Variants in GDF11 observed in about 807,000 individuals in gnomAD.
GDF11 encodes growth/differentiation factor 11.
In GDF11, 12 loss-of-function variants were observed where a neutral mutation model predicts 34.4. The observed-to-expected ratio is 0.35, with a 90% CI of 0.22 to 0.57. The LOEUF is 0.57. Ranked by LOEUF, GDF11 falls within the 20% of genes least tolerant of loss-of-function variation. GDF11 has a pLI of 0.86. For synonymous variants in GDF11, 212 were observed against 231.1 expected, an observed-to-expected ratio of 0.92 and a Z score of 0.75; for missense variants, 346 against 548.2, an observed-to-expected ratio of 0.63 and a Z score of 3.68.
Position 55,750,018 on chromosome 12 carries a change from T to C in GDF11, c.*136T>C. ...CGTTCCCCGACCAAGCCGTGTGCAA[T>C]ACAACAGAGGGAGGCAGGTGGGAAT... On this transcript the variant is annotated 3_prime_UTR_variant, in exon 3 of 3. Coordinates refer to ENST00000257868, the MANE Select transcript of GDF11 (RefSeq NM_005811.5). The C allele has an allele frequency of 1.3e-6, 1 of 764,306 alleles. No individual in the cohort carries two copies. Among genetic ancestry groups the C allele is most frequent in the Non-Finnish European group, 2.1e-6 (1 of 477,634 alleles). The allele number at this position is 764,306 out of a possible 1,614,324, so 47.3% of individuals were successfully genotyped here.
In GDF11 at chr12:55,749,619, G is replaced by A; in HGVS notation, c.961G>A (p.Asp321Asn). 2.5e-6 allele frequency: 4 copies of A among 1,614,134 alleles called. No homozygotes were observed. Among genetic ancestry groups the A allele is most frequent in the Non-Finnish European group, 3.4e-6 (4 of 1,180,022 alleles). Reference sequence around the variant, plus strand: ...CTGCTGCCGATATCCCCTCACAGTGGACTTTGAGGCTTTCGGCTGGGACTG... The same window carrying A: ...CTGCTGCCGATATCCCCTCACAGTGAACTTTGAGGCTTTCGGCTGGGACTG... ...SRCCRYPLTV[D>N]FEAFGWDWII... The change falls in exon 3 of 3, where the codon GAC becomes AAC. Residue 321 changes from aspartate to asparagine, a missense_variant. By Grantham distance (23) the Asp-to-Asn change is conservative (BLOSUM62 1). This residue lies in a region of GDF11 where 205 missense variants were observed against 311.3 expected (regional missense o/e 0.66). Transcript: ENST00000257868. This position sits in a 1 kb window ranked among gnomAD's most constrained non-coding sequence, Gnocchi z 5.6.
Position 55,751,585 on chromosome 12 carries a change from G to A in GDF11, c.*1703G>A, listed in dbSNP as rs751648647. On this transcript the variant is annotated 3_prime_UTR_variant, in exon 3 of 3. Transcript: ENST00000257868. ...CAGAGTAGTGGTGAAGAGATGTGAG[G>A]CTTAAGAGGAGTCACAGGCTTCAGA... The A allele has an allele frequency of 6.6e-6, 1 of 152,178 alleles. No homozygotes were observed. Among genetic ancestry groups the A allele is most frequent in the East Asian group, 1.9e-4 (1 of 5,196 alleles). The allele number at this position is 152,178 out of a possible 1,614,324, so 9.4% of individuals were successfully genotyped here. A position where few individuals can be genotyped will look rare whatever the true frequency, so the allele number is the denominator to read the frequency against.
rs1878245498 is a variant in GDF11 at position 55,749,002 on chromosome 12, G to A, written c.843+19G>A. The A allele has an allele frequency of 1.3e-6, 2 of 1,583,762 alleles. No homozygotes were observed. Among genetic ancestry groups the A allele is most frequent in the Non-Finnish European group, 8.5e-7 (1 of 1,172,088 alleles). On this transcript the variant is annotated intron_variant, in intron 2 of 2. Coordinates refer to ENST00000257868, the MANE Select transcript of GDF11 (RefSeq NM_005811.5). This position sits in a 1 kb window ranked among gnomAD's most constrained non-coding sequence, Gnocchi z 5.6. ...GGGGCTGGTGAGCAGGGGGCCTGAG[G>A]TGGTGGATATGTGTAACCTGGCCCT...
rs143407394 is a variant in GDF11 at position 55,744,589 on chromosome 12, G to C, written c.445+828G>C. Among the ~76,000 whole-genome samples the C allele has an allele frequency of 5.3e-5, 8 of 152,176 alleles. No individual in the cohort carries two copies. In the East Asian group the frequency reaches 1.6e-3, roughly 30 times the overall value. The stretch of plus-strand genomic sequence containing the variant: ...CCAAACGGAAGATGAACATATAATA[G>C]ACATGAGCTGCTTTGAAATTTTATG... On this transcript the variant is annotated intron_variant, in intron 1 of 2. Transcript: ENST00000257868.
rs759951553 is a variant in GDF11, at chr12:55,743,400, CGCGGCGGCGGCGGCG to C, written c.102_116del (p.Ala37_Ala41del). 10 of 992,766 alleles carry C rather than the reference CGCGGCGGCGGCGGCG, an allele frequency of 1.0e-5. No homozygotes were observed. In the South Asian group the frequency reaches 3.2e-4, roughly 31 times the overall value. 61.5% of individuals were successfully genotyped at this position (992,766 alleles called of 1,614,324 possible). ...CCCGGGGGGAGGCGGCCGAGGGCCC[CGCGGCGGCGGCGGCG>C]GCGGCGGCGGCGGCGGCAGCGGCGG... On this transcript the variant is annotated inframe_deletion, in exon 1 of 3. Transcript: ENST00000257868.
rs1219280896 is a variant in GDF11, at chr12:55,751,964, ATCTTAT to A, written c.*2085_*2090del. 6.6e-6 allele frequency: 1 copy of A among 152,222 alleles called. No individual in the cohort carries two copies. Among genetic ancestry groups the A allele is most frequent in the Non-Finnish European group, 1.5e-5 (1 of 68,056 alleles). The allele number at this position is 152,222 out of a possible 1,614,324, so 9.4% of individuals were successfully genotyped here. On this transcript the variant is annotated 3_prime_UTR_variant, in exon 3 of 3. Transcript: ENST00000257868. ...GAAGGTGATGTTGGTGAGCTTTAAC[ATCTTAT>A]TCCTATTCTTATAGTGAGAAAGTGA... is the stretch of plus-strand genomic sequence containing the variant.
intron 1 of GDF11, among the ~76,000 whole-genome samples, chr12:55,746,187 C>T (rs1227159247): frequency 6.6e-6 from 1 of 152,128 alleles, no homozygotes; most frequent in East Asian, 1.9e-4. Context: ...GGTACTCTCT[C>T]GAGCCCCGTT....
Position 55,751,645 on chromosome 12 carries a change from G to C in GDF11, c.*1763G>C, listed in dbSNP as rs531600671. On this transcript the variant is annotated 3_prime_UTR_variant, in exon 3 of 3. Coordinates refer to ENST00000257868, the MANE Select transcript of GDF11 (RefSeq NM_005811.5). ...CCCCTCTGCCTCCCAGCTGGACAGT[G>C]CCTAGAAGCCAAGGAGTTGAGAATC... 41 of 152,334 alleles carry C rather than the reference G, an allele frequency of 2.7e-4. No homozygotes were observed. Among genetic ancestry groups the C allele is most frequent in the African/African-American group, 9.9e-4 (41 of 41,538 alleles). The allele number at this position is 152,334 out of a possible 1,614,324, so 9.4% of individuals were successfully genotyped here.
Position 55,755,527 on chromosome 12 carries a change from A to G in GDF11, c.*5645A>G, listed in dbSNP as rs564175254. 6.6e-6 allele frequency: 1 copy of G among 152,334 alleles called. No homozygotes were observed. The highest frequency in any genetic ancestry group is 2.1e-4 in the South Asian group (1 of 4,824). The allele number at this position is 152,334 out of a possible 1,614,324, so 9.4% of individuals were successfully genotyped here. The stretch of plus-strand genomic sequence containing the variant: ...ACCACATCTGGATGCTGGATCAACT[A>G]TAGTAGGGAAACGGGGAGAGGAAGG... On this transcript the variant is annotated 3_prime_UTR_variant, in exon 3 of 3. Coordinates refer to ENST00000257868, the MANE Select transcript of GDF11 (RefSeq NM_005811.5).
In GDF11 at chr12:55,749,573, C is replaced by G; in HGVS notation, c.915C>G (p.Asp305Glu). The change falls in exon 3 of 3, where the codon GAC becomes GAG. Residue 305 changes from aspartate (D) to glutamate (E), a missense_variant. Transcript: ENST00000257868. The surrounding 1 kb of genome is among the most constrained non-coding windows in gnomAD (Gnocchi z 5.6). ...RSRRNLGLDC[D>E]EHSSESRCCR... ...GGCGGAACCTGGGTCTGGACTGCGA[C>G]GAGCACTCAAGCGAGTCCCGCTGCT... The G allele has an allele frequency of 6.2e-7, 1 of 1,614,052 alleles. No homozygotes were observed. Among genetic ancestry groups the G allele is most frequent in the Non-Finnish European group, 8.5e-7 (1 of 1,179,980 alleles).
At position 55,756,721 on chromosome 12, in the gene GDF11, A is replaced by AAG. The variant is rs1213752360; in HGVS notation, c.*6840_*6841insGA. 6 of 152,358 alleles carry AAG rather than the reference A, an allele frequency of 3.9e-5. No individual in the cohort carries two copies. The highest frequency in any genetic ancestry group is 1.2e-4 in the African/African-American group (5 of 41,582). The allele number at this position is 152,358 out of a possible 1,614,324, so 9.4% of individuals were successfully genotyped here. A position where few individuals can be genotyped will look rare whatever the true frequency, so the allele number is the denominator to read the frequency against. ...TTATGTTCCCAATGATTTAGCTAAC[A>AAG]ATGCGTAACAGCTCTGACATCCTCT... On this transcript the variant is annotated 3_prime_UTR_variant, in exon 3 of 3. Coordinates refer to ENST00000257868, the MANE Select transcript of GDF11 (RefSeq NM_005811.5).
At position 55,745,815 on chromosome 12, in the gene GDF11, T is replaced by TCA. The variant is rs147208412; in HGVS notation, c.445+2055_445+2056dup. ...GCCTGCCCTAGTTCCCTCTACCCTC[T>TCA]CAGGCTCTCCCACCAAGCCTTCATC... On this transcript the variant is annotated intron_variant, in intron 1 of 2. Coordinates refer to ENST00000257868, the MANE Select transcript of GDF11 (RefSeq NM_005811.5). Among the ~76,000 whole-genome samples the TCA allele has an allele frequency of 3.3e-3, 471 of 144,148 alleles. 2 individuals are homozygous for TCA. The highest frequency in any genetic ancestry group is 0.011 in the African/African-American group (434 of 38,884). 94.6% of individuals were successfully genotyped at this position (144,148 alleles called of 152,430 possible). A position where few individuals can be genotyped will look rare whatever the true frequency, so the allele number is the denominator to read the frequency against.
chr12:55,748,736 G>A lies in GDF11; in HGVS notation c.596G>A (p.Arg199Gln), dbSNP rs1369414687. The change falls in exon 2 of 3, where the codon CGA becomes CAA. Residue 199 changes from arginine to glutamine, a missense_variant. Physicochemically the swap from Arg to Gln is conservative, Grantham distance 43. This residue lies in a region of GDF11 where 205 missense variants were observed against 311.3 expected (regional missense o/e 0.66). Transcript: ENST00000257868. This position sits in a 1 kb window ranked among gnomAD's most constrained non-coding sequence, Gnocchi z 5.6. ...GCCACAGTCTACCTGCAGATCTTGC[G>A]ACTAAAACCCCTAACTGGGGAAGGG... is the stretch of plus-strand genomic sequence containing the variant. The part of the protein sequence containing the change: ...RPATVYLQIL[R>Q]LKPLTGEGTA... 3.7e-6 allele frequency: 6 copies of A among 1,614,118 alleles called. No homozygotes were observed. Among genetic ancestry groups the A allele is most frequent in the Admixed American group, 1.7e-5 (1 of 60,006 alleles).
Position 55,750,960 on chromosome 12 carries a change from TAG to T in GDF11, c.*1085_*1086del, listed in dbSNP as rs1878300045. 6.6e-6 allele frequency: 1 copy of T among 151,962 alleles called. No individual in the cohort carries two copies. The highest frequency in any genetic ancestry group is 2.4e-5 in the African/African-American group (1 of 41,356). The allele number at this position is 151,962 out of a possible 1,614,324, so 9.4% of individuals were successfully genotyped here. On this transcript the variant is annotated 3_prime_UTR_variant, in exon 3 of 3. Coordinates refer to ENST00000257868, the MANE Select transcript of GDF11 (RefSeq NM_005811.5). ...TCCCAGCCTCTATCTTCAGGTCAAT[TAG>T]AGAGAGTATAGAGACCCCAGAGTCC...
Position 55,754,749 on chromosome 12 carries a change from A to G in GDF11, c.*4867A>G, listed in dbSNP as rs1878450898. The stretch of plus-strand genomic sequence containing the variant: ...TGTAGTGTGAATACATGATATGAGA[A>G]TATCACTTAATTCACACAGCAACCT... On this transcript the variant is annotated 3_prime_UTR_variant, in exon 3 of 3. Coordinates refer to ENST00000257868, the MANE Select transcript of GDF11 (RefSeq NM_005811.5). The G allele has an allele frequency of 1.3e-5, 2 of 152,230 alleles. No homozygotes were observed. The highest frequency in any genetic ancestry group is 4.1e-4 in the South Asian group (2 of 4,832). The allele number at this position is 152,230 out of a possible 1,614,324, so 9.4% of individuals were successfully genotyped here.
chr12:55,745,101 G>A (rs1878152494), intron 1 of GDF11, among the ~76,000 whole-genome samples: 1 of 152,144 alleles, frequency 6.6e-6, no homozygotes, highest in Non-Finnish European at 1.5e-5. Flanking sequence ...TAAGCCTTCT[G>A]CTTATGGAAG....
At position 55,743,631 on chromosome 12, in the gene GDF11, C is replaced by G; in HGVS notation, c.315C>G (p.Pro105=). Residue 105 remains proline, a synonymous_variant, in exon 1 of 3, where the codon CCC becomes CCG. Transcript: ENST00000257868. The stretch of plus-strand genomic sequence containing the variant: ...GCGAGGTGGTGAAGCAGCTGCTGCC[C>G]AAGGCGCCGCCGCTGCAGCAGATCC... ...ISREVVKQLL[P]KAPPLQQILD... 6.2e-7 allele frequency: 1 copy of G among 1,605,004 alleles called. No homozygotes were observed. The highest frequency in any genetic ancestry group is 2.2e-5 in the East Asian group (1 of 44,846).
chr12:55,750,001 G>A lies in GDF11; in HGVS notation c.*119G>A, dbSNP rs573917393. The A allele has an allele frequency of 1.2e-3, 1,053 of 888,752 alleles. 10 individuals carry two copies. Among genetic ancestry groups the A allele is most frequent in the Middle Eastern group, 3.6e-4 (1 of 2,810 alleles). The allele number at this position is 888,752 out of a possible 1,614,324, so 55.1% of individuals were successfully genotyped here. A position where few individuals can be genotyped will look rare whatever the true frequency, so the allele number is the denominator to read the frequency against. On this transcript the variant is annotated 3_prime_UTR_variant, in exon 3 of 3. Coordinates refer to ENST00000257868, the MANE Select transcript of GDF11 (RefSeq NM_005811.5). ...TCCCGCGAACATCACACCGTTCCCC[G>A]ACCAAGCCGTGTGCAATACAACAGA...
In GDF11 at chr12:55,748,317, T is replaced by A. The variant is rs1364125057; in HGVS notation, c.446-269T>A. On this transcript the variant is annotated intron_variant, in intron 1 of 2. Transcript: ENST00000257868. This position sits in a 1 kb window ranked among gnomAD's most constrained non-coding sequence, Gnocchi z 5.6. ...GTAAGGATGGTGGTGGATGAATAAT[T>A]TTGCAGGTTATCTGGTAGACAGGAA... Among the ~76,000 whole-genome samples the A allele has an allele frequency of 6.6e-6, 1 of 152,160 alleles. No individual in the cohort carries two copies. Among genetic ancestry groups the A allele is most frequent in the East Asian group, 1.9e-4 (1 of 5,198 alleles).
Sources: gnomAD v4.1 joint callset for allele counts (sites outside exome capture counted in the v4.1 genomes callset) on GRCh38, gnomAD v4.1.1 for gene constraint, gnomAD v4.1.1 regional missense constraint, Gnocchi (gnomAD v3.1) non-coding constraint, MANE v1.5 for transcripts, NCBI Gene and HGNC (gene_info 2026-07-23, HGNC 2026-07-21) for gene names.